Variants in FBXL2 observed in about 807,000 individuals in gnomAD.
The protein encoded by FBXL2 is F-box and leucine rich repeat protein 2.
A neutral mutation model predicts 69.2 loss-of-function variants in FBXL2; 38 were observed. The ratio of observed to expected loss-of-function variants is 0.55; its 90% CI spans 0.42 to 0.72. The LOEUF is 0.72. Ranked by LOEUF, FBXL2 falls within the 30% of genes least tolerant of loss-of-function variation. The pLI is 0.00. For missense variants in FBXL2, 354 were observed against 520.3 expected (o/e 0.68, Z 3.11); for synonymous variants, 192 against 201.3 (o/e 0.95, Z 0.39).
At chr3:33,353,828 C>T (rs993188377) in intron 2 of FBXL2, among the ~76,000 whole-genome samples, 2 of 151,982 alleles carry the variant, frequency 1.3e-5, no homozygotes, top group Admixed American at 6.5e-5. Context: ...GTTGAGGCTG[C>T]AGTGAGCCAT....
chr3:33,359,460 T>C (rs947785030), intron 4 of FBXL2, 103 bp downstream of exon 4: 2 of 677,548 alleles, frequency 3.0e-6, no homozygotes, highest in East Asian at 5.7e-5. Flanking sequence ...AATATTAAAG[T>C]GCTGAGGTAG....
At chr3:33,356,585 T>C (rs2041220492) in intron 2 of FBXL2, among the ~76,000 whole-genome samples, 1 of 152,076 alleles carries the variant, frequency 6.6e-6, no homozygotes, top group Non-Finnish European at 1.5e-5. Context: ...CTTGACCTTG[T>C]GGTCCACCCG....
intron 5 of FBXL2, among the ~76,000 whole-genome samples, chr3:33,368,776 TG>T (rs1454300554): frequency 6.6e-6 from 1 of 151,940 alleles, no homozygotes; most frequent in Non-Finnish European, 1.5e-5. Context: ...TTAGTAGAGA[TG>T]GGGTTTCACC....
chr3:33,325,244 C>G (rs2038595126), intron 2 of FBXL2, among the ~76,000 whole-genome samples: 1 of 152,184 alleles, frequency 6.6e-6, no homozygotes, highest in Admixed American at 6.5e-5. Flanking sequence ...CAAACAGAGA[C>G]AATTTGACTT....
At chr3:33,332,259 G>A (rs1157147209) in intron 2 of FBXL2, among the ~76,000 whole-genome samples, 1 of 152,148 alleles carries the variant, frequency 6.6e-6, no homozygotes, top group African/African-American at 2.4e-5. Context: ...TATTTTCCAT[G>A]TGCCAATGGA....
At chr3:33,392,369 T>C, downstream of FBXL2, 1 of 511,040 alleles carries the variant, frequency 2.0e-6, no homozygotes. Flanking sequence ...TTTCCAGTCA[T>C]CTAGAAAGAC....
Position 33,297,659 on chromosome 3 carries a change from T to C in FBXL2, c.4-5T>C. On this transcript the variant is annotated splice_polypyrimidine_tract_variant and splice_region_variant and intron_variant, in intron 1 of 14. Coordinates refer to ENST00000484457, the MANE Select transcript of FBXL2 (RefSeq NM_012157.5). ...TCACAATTTCCTTTTTTTTTTTCTTTCCAGGTTTTCTCAAACAATGATGAA... is the reference window on the plus strand; with the variant it reads ...TCACAATTTCCTTTTTTTTTTTCTTCCCAGGTTTTCTCAAACAATGATGAA... 1 of 1,546,522 alleles carries C rather than the reference T, an allele frequency of 6.5e-7. No homozygotes were observed. Among genetic ancestry groups the C allele is most frequent in the Non-Finnish European group, 8.8e-7 (1 of 1,136,906 alleles).
the FBXL2 span, among the ~76,000 whole-genome samples, chr3:33,418,133 T>TA: frequency 6.6e-6 from 1 of 152,172 alleles, no homozygotes; most frequent in Non-Finnish European, 1.5e-5. Flanking sequence ...ATGAAGAATA[T>TA]AAAGTTTTGA....
At chr3:33,370,781 A>C (rs748208189) in intron 5 of FBXL2, among the ~76,000 whole-genome samples, 5 of 152,096 alleles carry the variant, frequency 3.3e-5, no homozygotes, top group African/African-American at 1.2e-4. Context: ...ACGCATGGCT[A>C]ATCTGTCACT....
chr3:33,280,325 T>A (rs1390992267), intron 1 of FBXL2, among the ~76,000 whole-genome samples: 1 of 152,204 alleles, frequency 6.6e-6, no homozygotes, highest in Non-Finnish European at 1.5e-5. Flanking sequence ...GCCTTTTGGA[T>A]GTGGAGGATT....
chr3:33,371,145 A>T (rs1473426055), intron 5 of FBXL2, among the ~76,000 whole-genome samples: 1 of 147,976 alleles, frequency 6.8e-6, no homozygotes, highest in Non-Finnish European at 1.5e-5. Context: ...GTAAAGTTTT[A>T]TATCAGCCAT....
chr3:33,379,132 G>A (rs763210118), intron 13 of FBXL2, among the ~76,000 whole-genome samples: 4 of 151,920 alleles, frequency 2.6e-5, no homozygotes, highest in African/African-American at 4.8e-5. Flanking sequence ...TCAGCCTTGC[G>A]GGGGGATTAC....
At position 33,375,413 on chromosome 3, in the gene FBXL2, A is replaced by G; in HGVS notation, c.783A>G (p.Arg261=). ...CAGCCCTGGGTTTGAACTGTCCGCG[A>G]CTGCAGTGAGTACACTGCACTTTTT... ...SLTALGLNCP[R]LQILEAARCS... Residue 261 remains arginine (R), a synonymous_variant, in exon 10 of 15, where the codon CGA becomes CGG. Coordinates refer to ENST00000484457, the MANE Select transcript of FBXL2 (RefSeq NM_012157.5). 2 of 1,613,992 alleles carry G rather than the reference A, an allele frequency of 1.2e-6. No homozygotes were observed. The highest frequency in any genetic ancestry group is 1.7e-6 in the Non-Finnish European group (2 of 1,179,894).
In FBXL2 at chr3:33,373,649, C is replaced by T; in HGVS notation, c.527C>T (p.Ala176Val). The T allele has an allele frequency of 6.2e-7, 1 of 1,614,204 alleles. No individual in the cohort carries two copies. The highest frequency in any genetic ancestry group is 8.5e-7 in the Non-Finnish European group (1 of 1,180,036). The change falls in exon 8 of 15, where the codon GCA (alanine) becomes GTA (valine). Residue 176 changes from alanine to valine, a missense_variant. By Grantham distance (64) the Ala-to-Val change is moderately conservative. Transcript: ENST00000484457. ...CDQITKDGIE[A>V]LVRGCRGLKA... ...CAGATCACGAAGGATGGCATCGAGG[C>T]ACTGGTGCGAGGTTGTCGAGGCCTG...
At chr3:33,288,135 T>C (rs577576048) in intron 1 of FBXL2, among the ~76,000 whole-genome samples, 3 of 152,366 alleles carry the variant, frequency 2.0e-5, no homozygotes, top group South Asian at 4.1e-4. Context: ...CAGGGAAGTC[T>C]AAGGAGACAG....
intron 13 of FBXL2, 45 bp from the exon 14 acceptor site, chr3:33,383,944 G>A: frequency 6.3e-7 from 1 of 1,585,884 alleles, no homozygotes; most frequent in Non-Finnish European, 8.7e-7. Context: ...CTTGAGCCTT[G>A]GAATAAGGGT....
At chr3:33,399,560 T>TA (rs2154055768) in intron 12 of FBXL2, among the ~76,000 whole-genome samples, 1 of 152,332 alleles carries the variant, frequency 6.6e-6, no homozygotes, top group South Asian at 2.1e-4. Flanking sequence ...CAAAAGGCTA[T>TA]ATACTATATG....
At chr3:33,343,713 T>G (rs1294173638) in intron 2 of FBXL2, among the ~76,000 whole-genome samples, 3 of 152,050 alleles carry the variant, frequency 2.0e-5, no homozygotes, top group African/African-American at 7.2e-5. Context: ...TTTAAAAAAT[T>G]TTGTCATTAT....
downstream of FBXL2, chr3:33,390,510 A>G (rs2043716440): frequency 1.2e-6 from 1 of 852,994 alleles, no homozygotes; most frequent in Non-Finnish European, 1.9e-6. Context: ...AAGCAGATTA[A>G]CTTGCTCTAG....
Sources: gnomAD v4.1 joint callset for allele counts (sites outside exome capture counted in the v4.1 genomes callset) on GRCh38, gnomAD v4.1.1 for gene constraint, MANE v1.5 for transcripts, NCBI Gene and HGNC (gene_info 2026-07-23, HGNC 2026-07-21) for gene names.